The following METAP1 variants were observed in gnomAD, a reference collection of about 807,000 sequenced individuals.
METAP1 encodes the protein methionyl aminopeptidase 1.
METAP1 carries 28 observed loss-of-function variants against 53.8 expected under a neutral mutation model. That is an observed-to-expected ratio of 0.52 (90% CI 0.39 to 0.71). METAP1 has a LOEUF of 0.71. Ranked by LOEUF, METAP1 falls within the 30% of genes least tolerant of loss-of-function variation. The probability of loss-of-function intolerance (pLI) is 0.00; values close to 1 mark genes in which losing one functional copy is unlikely to be tolerated. For missense variants in METAP1, 389 were observed against 479.8 expected (o/e 0.81, Z 1.77); for synonymous variants, 181 against 165.7 (o/e 1.09, Z -0.71).
At chr4:99,031,463 C>G in intron 2 of METAP1, 1 of 1,283,522 alleles carries the variant, frequency 7.8e-7, no homozygotes, top group South Asian at 1.2e-5. Flanking sequence ...TTTCCTTCCA[C>G]TCCCCTACCC....
At chr4:99,052,814 G>C (rs1469492872) in intron 9 of METAP1, among the ~76,000 whole-genome samples, 3 of 152,166 alleles carry the variant, frequency 2.0e-5, no homozygotes, top group Non-Finnish European at 4.4e-5. Context: ...TTGTGATATT[G>C]TTTGATAGCA....
chr4:99,002,381 A>G (rs1365344129), intron 1 of METAP1, among the ~76,000 whole-genome samples: 5 of 152,204 alleles, frequency 3.3e-5, no homozygotes, highest in Admixed American at 6.5e-5. Context: ...TGTAATTACA[A>G]CCCTTTGTGC....
At chr4:99,047,280 C>T (rs1726337070) in intron 8 of METAP1, among the ~76,000 whole-genome samples, 1 of 152,112 alleles carries the variant, frequency 6.6e-6, no homozygotes, top group African/African-American at 2.4e-5. Flanking sequence ...ACAAGCATTC[C>T]TGGTCTCTAC....
chr4:99,052,974 C>G (rs1395646534), intron 9 of METAP1, among the ~76,000 whole-genome samples: 1 of 152,110 alleles, frequency 6.6e-6, no homozygotes. Flanking sequence ...AAACTACTTT[C>G]TTTGTTTATC....
rs1397403811 is a variant in METAP1 at position 99,056,678 on chromosome 4, C to G, written c.932-1075C>G. On this transcript the variant is annotated intron_variant, in intron 9 of 10. Coordinates refer to ENST00000296411, the MANE Select transcript of METAP1 (RefSeq NM_015143.3). ...CTCAGCCTCCCGGGTTCATGCCATT[C>G]TCCTGCCTCAGCCTCCCGGTAGCTG... Among the ~76,000 whole-genome samples the G allele has an allele frequency of 2.6e-5, 4 of 151,354 alleles. No homozygotes were observed. In the East Asian group the frequency reaches 7.8e-4, roughly 30 times the overall value.
At chr4:99,040,448 T>C (rs967912526) in intron 5 of METAP1, among the ~76,000 whole-genome samples, 8 of 151,378 alleles carry the variant, frequency 5.3e-5, no homozygotes, top group Non-Finnish European at 1.0e-4. Context: ...TGACTTGCTG[T>C]GATTCTTTGA....
chr4:99,018,594 C>A (rs1723913282), intron 1 of METAP1, among the ~76,000 whole-genome samples: 1 of 152,134 alleles, frequency 6.6e-6, no homozygotes. Flanking sequence ...TCCTTTAAGT[C>A]TATTACAGTA....
intron 1 of METAP1, among the ~76,000 whole-genome samples, chr4:99,012,555 A>G (rs62323252): frequency 0.032 from 4,848 of 151,124 alleles, 83 homozygotes; most frequent in African/African-American, 0.04. Flanking sequence ...GATTACAGGC[A>G]TGAGCCACCA....
intron 1 of METAP1, among the ~76,000 whole-genome samples, chr4:99,017,676 T>C (rs1723856305): frequency 6.6e-6 from 1 of 152,268 alleles, no homozygotes; most frequent in African/African-American, 2.4e-5. Flanking sequence ...TACTTTAAAA[T>C]CCTAGAATCA....
chr4:99,055,778 T>G (rs1727068298), intron 9 of METAP1, among the ~76,000 whole-genome samples: 1 of 152,228 alleles, frequency 6.6e-6, no homozygotes, highest in African/African-American at 2.4e-5. Context: ...TCAAGAGTCT[T>G]TCATCCTTTT....
At chr4:99,012,286 T>TC (rs1416070228) in intron 1 of METAP1, among the ~76,000 whole-genome samples, 1 of 150,790 alleles carries the variant, frequency 6.6e-6, no homozygotes, top group Non-Finnish European at 1.5e-5. Flanking sequence ...TTTTTTTTTT[T>TC]TCAAGACAGT....
chr4:98,996,883 G>A (rs1476806453), intron 1 of METAP1, among the ~76,000 whole-genome samples: 2 of 152,208 alleles, frequency 1.3e-5, no homozygotes, highest in Non-Finnish European at 2.9e-5. Context: ...CCGGAATAAA[G>A]AGAAGGCCTG....
chr4:99,058,953 T>C (rs548788322), intron 10 of METAP1, among the ~76,000 whole-genome samples: 1 of 152,372 alleles, frequency 6.6e-6, no homozygotes, highest in Admixed American at 6.5e-5. Flanking sequence ...AGTAAAGTTT[T>C]TGTCATCCTC....
intron 8 of METAP1, among the ~76,000 whole-genome samples, chr4:99,047,571 T>C (rs953932878): frequency 6.6e-6 from 1 of 152,136 alleles, no homozygotes; most frequent in Non-Finnish European, 1.5e-5. Context: ...AGCTGCAAAA[T>C]ACAGTTAAGA....
intron 1 of METAP1, among the ~76,000 whole-genome samples, chr4:99,017,865 A>G (rs1014471188): frequency 6.6e-6 from 1 of 152,264 alleles, no homozygotes; most frequent in African/African-American, 2.4e-5. Flanking sequence ...TTGGACAGAA[A>G]GGCAACTGGT....
chr4:99,025,016 G>T (rs1287130144), intron 1 of METAP1, among the ~76,000 whole-genome samples: 1 of 152,182 alleles, frequency 6.6e-6, no homozygotes, highest in Non-Finnish European at 1.5e-5. Flanking sequence ...GAGTTTGTGC[G>T]CTCCTATGAG....
chr4:99,023,017 C>A, intron 1 of METAP1: 1 of 1,447,776 alleles, frequency 6.9e-7, no homozygotes. Flanking sequence ...CCGCTTCTTG[C>A]TGCCACAGGC....
At chr4:99,010,496 A>G (rs557910504) in intron 1 of METAP1, among the ~76,000 whole-genome samples, 1 of 152,246 alleles carries the variant, frequency 6.6e-6, no homozygotes, top group African/African-American at 2.4e-5. Flanking sequence ...ATGACCAAAT[A>G]CACAAGGATT....
chr4:98,998,294 G>A (rs1310400679), intron 1 of METAP1, among the ~76,000 whole-genome samples: 2 of 152,092 alleles, frequency 1.3e-5, no homozygotes, highest in African/African-American at 4.8e-5. Flanking sequence ...AGGCCTAGGC[G>A]GGTGGATCAC....
Sources: gnomAD v4.1 joint callset for allele counts (sites outside exome capture counted in the v4.1 genomes callset) on GRCh38, gnomAD v4.1.1 for gene constraint, MANE v1.5 for transcripts, NCBI Gene and HGNC (gene_info 2026-07-23, HGNC 2026-07-21) for gene names.